Variants in GRHL2 observed in about 807,000 individuals in gnomAD.
GRHL2 encodes the protein grainyhead like transcription factor 2.
Under a neutral mutation model 83.8 loss-of-function variants are expected in GRHL2, and 21 were observed. The ratio of observed to expected loss-of-function variants is 0.25; its 90% confidence interval spans 0.18 to 0.36. The LOEUF is 0.36. GRHL2 is among the 10% of genes least tolerant of loss of function. The pLI, the probability that GRHL2 is intolerant of heterozygous loss-of-function variation, is 1.00. For synonymous variants in GRHL2, 280 were observed against 278.9 expected (o/e 1.00, Z -0.04); for missense variants, 623 against 781.8 (o/e 0.80, Z 2.42).
rs539164074 is a variant in GRHL2 at position 101,590,618 on chromosome 8, G to A, written c.1004-8439G>A. ...GTTGAGTTAACTCACCGAAGGTCTC[G>A]GGGCTTGGTGGGAAGAGGGACGGAA... On this transcript the variant is annotated intron_variant, in intron 7 of 15. Coordinates refer to ENST00000646743, the MANE Select transcript of GRHL2 (RefSeq NM_024915.4). 2.6e-4 allele frequency among the ~76,000 whole-genome samples: 39 copies of A among 152,244 alleles called. No homozygotes were observed. In the South Asian group the frequency reaches 6.7e-3, roughly 26 times the overall value.
At chr8:101,513,356 G>A (rs1375025363) in intron 1 of GRHL2, among the ~76,000 whole-genome samples, 1 of 152,036 alleles carries the variant, frequency 6.6e-6, no homozygotes, top group African/African-American at 2.4e-5. Context: ...ATTATGGTGA[G>A]GTATATAACC....
At chr8:101,512,724 G>A (rs1414449851) in intron 1 of GRHL2, among the ~76,000 whole-genome samples, 2 of 152,114 alleles carry the variant, frequency 1.3e-5, no homozygotes, top group South Asian at 2.1e-4. Flanking sequence ...CTTTTATTAC[G>A]CTGGTCGGGA....
Position 101,519,558 on chromosome 8 carries a change from C to CTT in GRHL2, c.21-23667_21-23666dup, listed in dbSNP as rs1156774756. On this transcript the variant is annotated intron_variant, in intron 1 of 15. Transcript: ENST00000646743. ...ATTACAGGTGTGCCACCATGACCAG[C>CTT]TTTTTTTTTTTTTTTTTGTATGGTT... 2.1e-3 allele frequency among the ~76,000 whole-genome samples: 279 copies of CTT among 130,288 alleles called. 3 individuals are homozygous for CTT. The highest frequency in any genetic ancestry group is 5.3e-3 in the African/African-American group (185 of 34,816). 85.5% of individuals were successfully genotyped at this position (130,288 alleles called of 152,430 possible).
chr8:101,511,697 G>A (rs1212295834), intron 1 of GRHL2, among the ~76,000 whole-genome samples: 1 of 151,300 alleles, frequency 6.6e-6, no homozygotes, highest in Admixed American at 6.6e-5. Flanking sequence ...TAGGTTTTAT[G>A]CCTTGCTTAA....
intron 1 of GRHL2, among the ~76,000 whole-genome samples, chr8:101,532,987 G>T (rs181186186): frequency 2.6e-5 from 4 of 152,208 alleles, no homozygotes; most frequent in Admixed American, 2.6e-4. Context: ...AGTCAGTTTT[G>T]GGAATGATGG....
the GRHL2 span, among the ~76,000 whole-genome samples, chr8:101,676,582 G>A: frequency 1.3e-5 from 2 of 152,262 alleles, no homozygotes; most frequent in East Asian, 1.9e-4. Flanking sequence ...AGAGGATGTA[G>A]AGAAATAGGA....
At chr8:101,571,720 C>G (rs867412005) in intron 5 of GRHL2, among the ~76,000 whole-genome samples, 6 of 152,162 alleles carry the variant, frequency 3.9e-5, no homozygotes, top group Admixed American at 3.3e-4. Context: ...TCCTGGTTTC[C>G]TCTTAAAGTC....
chr8:101,680,038 T>C, the GRHL2 span, among the ~76,000 whole-genome samples: 1 of 118,358 alleles, frequency 8.4e-6, no homozygotes, highest in Admixed American at 8.9e-5. Context: ...AATAACCAGC[T>C]ATCATCATAA....
intron 12 of GRHL2, among the ~76,000 whole-genome samples, chr8:101,641,091 T>C (rs1813391179): frequency 6.6e-6 from 1 of 152,168 alleles, no homozygotes; most frequent in Non-Finnish European, 1.5e-5. Context: ...CATAATTCAG[T>C]AACAGTTACT....
intron 1 of GRHL2, chr8:101,528,984 C>T (rs769415725): frequency 1.1e-5 from 4 of 355,666 alleles, no homozygotes; most frequent in Non-Finnish European, 2.2e-5. Context: ...GTTCAGCCCT[C>T]TTCTGCATTC....
intron 14 of GRHL2, among the ~76,000 whole-genome samples, chr8:101,652,369 GT>G (rs1813653889): frequency 1.1e-4 from 7 of 63,504 alleles, no homozygotes; most frequent in Admixed American, 7.3e-4. Flanking sequence ...GTGTGTGTGT[GT>G]CTGATGTGTG....
chr8:101,669,445 TG>T lies in GRHL2; in HGVS notation c.*2743del, dbSNP rs1814160972. ...TCCCTGCCCAGAAACTTAGGAAGCATGAAATAAATCAAATGTTTATTTTCCT... is the reference window on the plus strand; with the variant it reads ...TCCCTGCCCAGAAACTTAGGAAGCATAAATAAATCAAATGTTTATTTTCCT... On this transcript the variant is annotated 3_prime_UTR_variant, in exon 16 of 16. Transcript: ENST00000646743. 1.3e-5 allele frequency: 2 copies of T among 152,492 alleles called. No individual in the cohort carries two copies. The highest frequency in any genetic ancestry group is 6.5e-5 in the Admixed American group (1 of 15,272). The allele number at this position is 152,492 out of a possible 1,614,324, so 9.4% of individuals were successfully genotyped here. A position where few individuals can be genotyped will look rare whatever the true frequency, so the allele number is the denominator to read the frequency against.
At chr8:101,596,238 C>A (rs1812388475) in intron 7 of GRHL2, among the ~76,000 whole-genome samples, 1 of 151,896 alleles carries the variant, frequency 6.6e-6, no homozygotes, top group African/African-American at 2.4e-5. Context: ...CAATAAATTA[C>A]AAATTAAAAT....
chr8:101,574,691 CACTGCAGTGAGA>C (rs1811898566), intron 6 of GRHL2, among the ~76,000 whole-genome samples: 1 of 152,262 alleles, frequency 6.6e-6, no homozygotes, highest in Non-Finnish European at 1.5e-5. Flanking sequence ...AGGCTGAGCT[CACTGCAGTGAGA>C]AAGCTGCTGG....
intron 15 of GRHL2, among the ~76,000 whole-genome samples, chr8:101,666,366 A>G (rs547598223): frequency 6.6e-5 from 10 of 152,240 alleles, no homozygotes; most frequent in African/African-American, 2.4e-4. Context: ...TTTGGGTTGA[A>G]TGTTAGTTCT....
At chr8:101,523,821 T>TA (rs1308923189) in intron 1 of GRHL2, among the ~76,000 whole-genome samples, 4 of 152,124 alleles carry the variant, frequency 2.6e-5, no homozygotes, top group Non-Finnish European at 4.4e-5. Flanking sequence ...TATATATATT[T>TA]AAAACCACTA....
At chr8:101,648,343 ACT>A (rs1028674280) in intron 13 of GRHL2, among the ~76,000 whole-genome samples, 7 of 151,900 alleles carry the variant, frequency 4.6e-5, no homozygotes, top group African/African-American at 1.5e-4. Context: ...CATCTCTCAT[ACT>A]CTCTACGTTC....
At chr8:101,665,365 G>A (rs899929919) in intron 15 of GRHL2, among the ~76,000 whole-genome samples, 3 of 152,196 alleles carry the variant, frequency 2.0e-5, no homozygotes, top group Non-Finnish European at 4.4e-5. Context: ...GGCAGAAGAT[G>A]AGTCAACTCT....
intron 7 of GRHL2, among the ~76,000 whole-genome samples, chr8:101,586,065 CTTTTTTTTTTTTT>C (rs67985027): frequency 5.3e-5 from 5 of 94,362 alleles, no homozygotes; most frequent in African/African-American, 4.3e-5. Context: ...CCTCATGTTT[CTTTTTTTTTTTTT>C]TTTTTTTTTT....
Sources: allele counts gnomAD v4.1 joint callset (sites outside exome capture counted in the v4.1 genomes callset), GRCh38; gene constraint gnomAD v4.1.1; transcripts MANE v1.5; gene names NCBI Gene and HGNC (gene_info 2026-07-23, HGNC 2026-07-21).